Variants in SLIT3 observed in about 807,000 individuals in gnomAD.
SLIT3 encodes slit homolog 3 protein.
In SLIT3, 68 loss-of-function variants were observed where a neutral mutation model predicts 184.0. The ratio of observed to expected loss-of-function variants is 0.37; its 90% confidence interval spans 0.30 to 0.45. The LOEUF (loss-of-function observed/expected upper bound fraction) is 0.45, where lower values mean the gene tolerates loss of function less well. SLIT3 is among the 20% of genes least tolerant of loss of function. The pLI is 1.00. For synonymous variants in SLIT3, 831 were observed against 828.6 expected (o/e 1.00, Z -0.05); for missense variants, 1,707 against 2,026.0 (o/e 0.84, Z 3.02).
intron 4 of SLIT3, among the ~76,000 whole-genome samples, chr5:169,110,639 C>T (rs1240418300): frequency 1.3e-5 from 2 of 152,104 alleles, no homozygotes; most frequent in East Asian, 1.9e-4. Context: ...CTGTAAAGAC[C>T]CTATTTCCAA....
At chr5:169,138,375 G>C (rs1472966085) in intron 4 of SLIT3, among the ~76,000 whole-genome samples, 1 of 152,134 alleles carries the variant, frequency 6.6e-6, no homozygotes, top group Non-Finnish European at 1.5e-5. Flanking sequence ...GGGTCCTCCT[G>C]TGGTGTCAGG....
intron 4 of SLIT3, among the ~76,000 whole-genome samples, chr5:169,190,388 T>C (rs1032048001): frequency 2.3e-4 from 35 of 152,246 alleles, no homozygotes; most frequent in African/African-American, 8.4e-4. Flanking sequence ...GATCCAGCTG[T>C]TCCTGAAGCC....
chr5:168,770,278 C>T (rs886382539), intron 14 of SLIT3, among the ~76,000 whole-genome samples: 2 of 152,230 alleles, frequency 1.3e-5, no homozygotes, highest in African/African-American at 4.8e-5. Flanking sequence ...GACGCCCTGC[C>T]TAAGGAGGGG....
rs1366460965 is a variant in SLIT3, at chr5:168,665,646, T to TAGTC, written c.*804_*807dup. On this transcript the variant is annotated 3_prime_UTR_variant, in exon 36 of 36. Transcript: ENST00000519560. ...AAATGACACCTGTAGCAGACTTCAA[T>TAGTC]AGTCAGTCCTCGATTGGAAGCCAGG... 1 of 152,306 alleles carries TAGTC rather than the reference T, an allele frequency of 6.6e-6. No homozygotes were observed. The highest frequency in any genetic ancestry group is 2.4e-5 in the African/African-American group (1 of 41,412). 9.4% of individuals were successfully genotyped at this position (152,306 alleles called of 1,614,324 possible). A position where few individuals can be genotyped will look rare whatever the true frequency, so the allele number is the denominator to read the frequency against.
intron 4 of SLIT3, among the ~76,000 whole-genome samples, chr5:168,977,408 C>G (rs1403644639): frequency 6.6e-6 from 1 of 152,194 alleles, no homozygotes; most frequent in African/African-American, 2.4e-5. Context: ...TCTTCATCTT[C>G]TTTGGGTAAA....
chr5:169,250,219 C>T (rs184264683), intron 2 of SLIT3, among the ~76,000 whole-genome samples: 50 of 152,250 alleles, frequency 3.3e-4, no homozygotes, highest in Non-Finnish European at 2.2e-4. Context: ...CTTTTTGTTA[C>T]CACTATGTAA....
chr5:169,025,857 T>C (rs1197942439), intron 4 of SLIT3, among the ~76,000 whole-genome samples: 2 of 152,194 alleles, frequency 1.3e-5, no homozygotes, highest in African/African-American at 4.8e-5. Context: ...GCCTGCACTT[T>C]GTATTATCTG....
chr5:168,973,281 C>G (rs10077342), intron 4 of SLIT3, among the ~76,000 whole-genome samples: 3,609 of 152,142 alleles, frequency 0.024, 163 homozygotes, highest in African/African-American at 0.082. Context: ...GAGTTTCACT[C>G]TTTTTGCCCA....
intron 2 of SLIT3, among the ~76,000 whole-genome samples, chr5:169,246,827 G>A (rs1451655618): frequency 1.4e-5 from 2 of 147,206 alleles, no homozygotes; most frequent in Non-Finnish European, 3.0e-5. Flanking sequence ...GCTAAGGCAG[G>A]AGAATTGCTT....
chr5:168,743,211 C>T (rs1409434315), intron 20 of SLIT3, among the ~76,000 whole-genome samples: 1 of 152,060 alleles, frequency 6.6e-6, no homozygotes, highest in Non-Finnish European at 1.5e-5. Context: ...TGTTTTATTG[C>T]ACTTTGCTTT....
chr5:169,155,218 A>G (rs928137935), intron 4 of SLIT3, among the ~76,000 whole-genome samples: 5 of 152,200 alleles, frequency 3.3e-5, no homozygotes, highest in African/African-American at 1.2e-4. Context: ...ATTTTCCTTA[A>G]CAAAAGGACA....
intron 1 of SLIT3, among the ~76,000 whole-genome samples, chr5:169,254,244 T>C (rs1427337990): frequency 6.6e-6 from 1 of 152,130 alleles, no homozygotes; most frequent in Non-Finnish European, 1.5e-5. Context: ...TGGGAATGGA[T>C]TACACTGACC....
chr5:168,850,665 G>A (rs774679408), intron 5 of SLIT3, among the ~76,000 whole-genome samples: 1 of 152,146 alleles, frequency 6.6e-6, no homozygotes, highest in Non-Finnish European at 1.5e-5. Context: ...GAACTTAGTT[G>A]GAAATTGAAC....
At chr5:168,890,891 A>G (rs1263652671) in intron 4 of SLIT3, among the ~76,000 whole-genome samples, 2 of 152,216 alleles carry the variant, frequency 1.3e-5, no homozygotes, top group African/African-American at 4.8e-5. Flanking sequence ...GTCTAATTTT[A>G]AACAAGTTTG....
chr5:168,855,002 A>G (rs1758811646), intron 5 of SLIT3, among the ~76,000 whole-genome samples: 1 of 152,244 alleles, frequency 6.6e-6, no homozygotes, highest in South Asian at 2.1e-4. Context: ...ACTCTAGAAG[A>G]GGCCAGCTTC....
chr5:168,894,225 G>A (rs1225317622), intron 4 of SLIT3, among the ~76,000 whole-genome samples: 1 of 152,186 alleles, frequency 6.6e-6, no homozygotes, highest in African/African-American at 2.4e-5. Context: ...AAGGTTGCTG[G>A]TTGCTTCACC....
chr5:168,799,687 T>TGG (rs1561939466), intron 9 of SLIT3, among the ~76,000 whole-genome samples: 2 of 133,360 alleles, frequency 1.5e-5, no homozygotes, highest in Non-Finnish European at 3.6e-5. Flanking sequence ...TGTGGAAACA[T>TGG]TGGTGGTGGT....
chr5:169,208,547 A>G (rs1764152120), intron 3 of SLIT3, among the ~76,000 whole-genome samples: 1 of 152,200 alleles, frequency 6.6e-6, no homozygotes, highest in Non-Finnish European at 1.5e-5. Flanking sequence ...CTAATAGGCT[A>G]CAGTAACCAA....
At position 169,066,736 on chromosome 5, in the gene SLIT3, A is replaced by G. The variant is rs1168225491; in HGVS notation, c.413+126743T>C. 7.2e-5 allele frequency among the ~76,000 whole-genome samples: 11 copies of G among 152,224 alleles called. No individual in the cohort carries two copies. The South Asian group carries it at 2.3e-3, about 32-fold the overall frequency. ...ATACTCAAATATTTTTTTAAAAAGG[A>G]TATTAATTGAAATGTTGCTTACAAT... On this transcript the variant is annotated intron_variant, in intron 4 of 35. Transcript: ENST00000519560.
Sources: gnomAD v4.1 joint callset for allele counts (sites outside exome capture counted in the v4.1 genomes callset) on GRCh38, gnomAD v4.1.1 for gene constraint, MANE v1.5 for transcripts, NCBI Gene and HGNC (gene_info 2026-07-23, HGNC 2026-07-21) for gene names.